RPS29: variants seen among roughly 807,000 people sequenced by gnomAD.
RPS29 encodes the protein ribosomal protein S29, also known as small ribosomal subunit protein uS14.
For synonymous variants in RPS29, 37 were observed against 26.9 expected (o/e 1.37, Z -1.16); for missense variants, 60 against 75.7 (o/e 0.79, Z 0.77).
downstream of RPS29, among the ~76,000 whole-genome samples, chr14:49,580,810 G>A (rs575500109): frequency 3.9e-5 from 6 of 152,000 alleles, no homozygotes; most frequent in East Asian, 5.8e-4. Context: ...GCCTGAACCC[G>A]GGAGGCAGAG....
intron 1 of RPS29, chr14:49,597,796 G>GC (rs1258662331): frequency 6.6e-6 from 1 of 151,916 alleles, no homozygotes; most frequent in Non-Finnish European, 1.5e-5. Flanking sequence ...ACAGACACGC[G>GC]CCACCACGCC....
In RPS29 at chr14:49,586,061, G is replaced by A. The variant is rs1881537866; in HGVS notation, c.63-12C>T. ...TTGAACAGACACGACTGTAAGAAAA[G>A]AGACAGCGGTTTTGCAGGTCATAGA... is the stretch of plus-strand genomic sequence containing the variant. On this transcript the variant is annotated splice_polypyrimidine_tract_variant and intron_variant, in intron 1 of 2. Transcript: ENST00000245458. 1.2e-5 allele frequency: 20 copies of A among 1,610,014 alleles called. No homozygotes were observed. In the South Asian group the frequency reaches 1.5e-4, roughly 12 times the overall value.
At chr14:49,579,554 AC>A (rs1277772535), downstream of RPS29, among the ~76,000 whole-genome samples, 12 of 152,292 alleles carry the variant, frequency 7.9e-5, no homozygotes, top group East Asian at 2.3e-3. Flanking sequence ...ATTTTGAAAA[AC>A]AAAGAATAGA....
exon 3 of RPS29, chr14:49,576,975 T>C (rs904554345): frequency 1.3e-5 from 2 of 152,126 alleles, no homozygotes; most frequent in African/African-American, 4.8e-5. Flanking sequence ...AATGAACTAA[T>C]ACAAGCCTGT....
chr14:49,573,487 G>C (rs1420242812), exon 3 of RPS29: 1 of 141,410 alleles, frequency 7.1e-6, no homozygotes, highest in African/African-American at 2.6e-5. Context: ...AAAAAAAAAA[G>C]AGAAAGGTGA....
At chr14:49,595,890 G>A (rs1881810764) in intron 1 of RPS29, among the ~76,000 whole-genome samples, 2 of 152,054 alleles carry the variant, frequency 1.3e-5, no homozygotes, top group South Asian at 4.1e-4. Context: ...ACAGGCACCT[G>A]TAATCCCAGC....
intron 1 of RPS29, among the ~76,000 whole-genome samples, chr14:49,594,403 T>C (rs1881778044): frequency 6.6e-6 from 1 of 151,998 alleles, no homozygotes; most frequent in African/African-American, 2.4e-5. Flanking sequence ...CAAGAAGACC[T>C]GGTAAATTTA....
At chr14:49,591,978 G>C (rs1458505773) in intron 1 of RPS29, among the ~76,000 whole-genome samples, 1 of 152,138 alleles carries the variant, frequency 6.6e-6, no homozygotes, top group Non-Finnish European at 1.5e-5. Flanking sequence ...TGATGAGACA[G>C]AGCGTATTTT....
chr14:49,577,711 G>T, exon 3 of RPS29: 3 of 926,374 alleles, frequency 3.2e-6, no homozygotes, highest in South Asian at 2.7e-5. Context: ...CCTTAATTTT[G>T]ACATATCAGT....
intron 1 of RPS29, chr14:49,598,141 C>G (rs1394563348): frequency 1.1e-5 from 5 of 451,864 alleles, no homozygotes; most frequent in Non-Finnish European, 1.6e-5. Flanking sequence ...AACTCAGACA[C>G]AATAAAATGT....
intron 2 of RPS29, among the ~76,000 whole-genome samples, chr14:49,584,892 A>G (rs1881469331): frequency 6.6e-6 from 1 of 151,418 alleles, no homozygotes; most frequent in Admixed American, 6.6e-5. Context: ...AAAAAAACCC[A>G]AACTACTATT....
At chr14:49,593,756 T>C (rs1881765200) in intron 1 of RPS29, among the ~76,000 whole-genome samples, 1 of 120,436 alleles carries the variant, frequency 8.3e-6, no homozygotes, top group African/African-American at 3.2e-5. Context: ...AAGAAAGGGG[T>C]ATACTGGGGG....
intron 1 of RPS29, among the ~76,000 whole-genome samples, chr14:49,591,923 A>T (rs148433704): frequency 6.6e-6 from 1 of 151,936 alleles, no homozygotes; most frequent in Non-Finnish European, 1.5e-5. Context: ...CCCGGCCCCA[A>T]TTTGATTTTT....
At chr14:49,598,123 G>T in intron 1 of RPS29, 1 of 386,796 alleles carries the variant, frequency 2.6e-6, no homozygotes, top group Non-Finnish European at 4.6e-6. Flanking sequence ...TTACCATTAC[G>T]GAAGTATAAC....
At chr14:49,580,232 G>A (rs1419539796), downstream of RPS29, among the ~76,000 whole-genome samples, 1 of 152,120 alleles carries the variant, frequency 6.6e-6, no homozygotes, top group Non-Finnish European at 1.5e-5. Flanking sequence ...CACTACATAT[G>A]TAAGCTTCTC....
chr14:49,576,301 T>C (rs1881178464), exon 3 of RPS29: 1 of 151,966 alleles, frequency 6.6e-6, no homozygotes, highest in Non-Finnish European at 1.5e-5. Context: ...GGGGATCTCC[T>C]GATGTTGCCC....
At chr14:49,595,336 A>C (rs754783204) in intron 1 of RPS29, among the ~76,000 whole-genome samples, 46 of 152,146 alleles carry the variant, frequency 3.0e-4, no homozygotes, top group Non-Finnish European at 5.1e-4. Context: ...CTGTAATCCG[A>C]GCACTTTGGG....
chr14:49,594,342 C>CAA (rs112231373), intron 1 of RPS29, among the ~76,000 whole-genome samples: 12 of 123,790 alleles, frequency 9.7e-5, no homozygotes, highest in African/African-American at 2.9e-4. Context: ...GAACCTGTCT[C>CAA]AAAAAAAAAA....
chr14:49,595,782 G>A (rs1594579340), intron 1 of RPS29, among the ~76,000 whole-genome samples: 1 of 152,202 alleles, frequency 6.6e-6, no homozygotes, highest in Non-Finnish European at 1.5e-5. Context: ...GGAGGCTGGG[G>A]CGGGTGGATC....
Sources: allele counts gnomAD v4.1 joint callset (sites outside exome capture counted in the v4.1 genomes callset), GRCh38; gene constraint gnomAD v4.1.1; transcripts MANE v1.5; gene names NCBI Gene and HGNC (gene_info 2026-07-23, HGNC 2026-07-21).